FAT1: variants seen among roughly 807,000 people sequenced by gnomAD.
FAT1 encodes the protein FAT atypical cadherin 1.
Under a neutral mutation model 329.8 loss-of-function variants are expected in FAT1, and 171 were observed. The observed-to-expected ratio is 0.52, with a 90% CI of 0.46 to 0.59. FAT1 has a LOEUF of 0.59. FAT1 is among the 20% of genes least tolerant of loss of function. The pLI is 0.00. For synonymous variants in FAT1, 2,233 were observed against 2,228.6 expected (o/e 1.00, Z -0.06); for missense variants, 5,672 against 5,774.4 (o/e 0.98, Z 0.57).
chr4:186,633,139 A>C (rs1740666996), intron 7 of FAT1, among the ~76,000 whole-genome samples: 1 of 152,224 alleles, frequency 6.6e-6, no homozygotes, highest in Non-Finnish European at 1.5e-5. Flanking sequence ...GTAATAAGAA[A>C]GAACAGAATT....
intron 13 of FAT1, among the ~76,000 whole-genome samples, 167 bp downstream of exon 13, chr4:186,612,938 TATTC>T (rs1047207491): frequency 6.6e-6 from 1 of 152,212 alleles, no homozygotes; most frequent in Non-Finnish European, 1.5e-5. Flanking sequence ...GAACTTTAAA[TATTC>T]ATTAAAAATT....
chr4:186,617,646 T>C (rs902358287), intron 10 of FAT1, 62 bp downstream of exon 10: 6 of 1,364,640 alleles, frequency 4.4e-6, no homozygotes, highest in African/African-American at 2.9e-5. Flanking sequence ...ACAGATCTTA[T>C]ACTTTATGCT....
chr4:186,623,621 G>A (rs1487129436), intron 9 of FAT1, among the ~76,000 whole-genome samples: 1 of 152,204 alleles, frequency 6.6e-6, no homozygotes, highest in Non-Finnish European at 1.5e-5. Context: ...CTGCTGTGGA[G>A]GAGGCTGGTG....
rs999111483 is a variant in FAT1 at position 186,618,513 on chromosome 4, A to C, written c.8073T>G (p.Val2691=). The C allele has an allele frequency of 6.2e-7, 1 of 1,613,932 alleles. No homozygotes were observed. Among genetic ancestry groups the C allele is most frequent in the African/African-American group, 1.3e-5 (1 of 74,936 alleles). The stretch of plus-strand genomic sequence containing the variant: ...GCTGCATTTCCGGTGGAAGGATTTT[A>C]ACATAGACAAGAACAACAGATTCTT... ...PSKESVVLVY[V]KILPPEMQLP... The change falls in exon 10 of 27, where the codon GTT becomes GTG. Residue 2691 remains valine (V), a synonymous_variant. Transcript: ENST00000441802.
chr4:186,588,348 T>C lies in FAT1; in HGVS notation c.*244A>G. 1 of 495,118 alleles carries C rather than the reference T, an allele frequency of 2.0e-6. No homozygotes were observed. 30.7% of individuals were successfully genotyped at this position (495,118 alleles called of 1,614,324 possible). A position where few individuals can be genotyped will look rare whatever the true frequency, so the allele number is the denominator to read the frequency against. On this transcript the variant is annotated 3_prime_UTR_variant, in exon 27 of 27. Transcript: ENST00000441802. Reference sequence around the variant, plus strand: ...ACAGGACTGATTTTTCGTTTGATTATTTTAACACAGACAGATGTAAATCCC... The same window carrying C: ...ACAGGACTGATTTTTCGTTTGATTACTTTAACACAGACAGATGTAAATCCC...
intron 2 of FAT1, among the ~76,000 whole-genome samples, chr4:186,669,171 C>G (rs369356685): frequency 3.3e-5 from 5 of 152,300 alleles, no homozygotes; most frequent in African/African-American, 1.2e-4. Flanking sequence ...TTTCTGAAAG[C>G]AAACACAGCA....
In FAT1 at chr4:186,635,237, C is replaced by T. The variant is rs540765773; in HGVS notation, c.4183+788G>A. On this transcript the variant is annotated intron_variant, in intron 6 of 26. Transcript: ENST00000441802. ...GAAGGGGAAAAATGGACATAAAGTC[C>T]CCCCCAGAGAGATGAATCGCAACAG... Among the ~76,000 whole-genome samples the T allele has an allele frequency of 9.8e-4, 149 of 152,076 alleles. 1 individual carries two copies. Among genetic ancestry groups the T allele is most frequent in the Non-Finnish European group, 1.6e-3 (109 of 68,010 alleles).
chr4:186,723,400 G>A (rs991794930), intron 1 of FAT1, among the ~76,000 whole-genome samples: 1 of 152,222 alleles, frequency 6.6e-6, no homozygotes, highest in African/African-American at 2.4e-5. Flanking sequence ...GTGTCAGAAA[G>A]GATCGGACCC....
At chr4:186,674,585 T>C (rs1293771271) in intron 2 of FAT1, among the ~76,000 whole-genome samples, 1 of 152,126 alleles carries the variant, frequency 6.6e-6, no homozygotes, top group Non-Finnish European at 1.5e-5. Flanking sequence ...ACTTAAGTTA[T>C]AACAACTAAA....
chr4:186,671,360 C>T (rs942626836), intron 2 of FAT1, among the ~76,000 whole-genome samples: 9 of 151,986 alleles, frequency 5.9e-5, no homozygotes, highest in African/African-American at 1.9e-4. Flanking sequence ...AGCTGTAAAA[C>T]GAGTTTAATA....
intron 17 of FAT1, among the ~76,000 whole-genome samples, chr4:186,605,393 C>G (rs1363328053): frequency 1.0e-5 from 1 of 99,092 alleles, no homozygotes; most frequent in Non-Finnish European, 1.9e-5. Context: ...AGAGTGGAGA[C>G]AGTGAAATGG....
Position 186,617,869 on chromosome 4 carries a change from A to G in FAT1, c.8717T>C (p.Val2906Ala). 1 of 1,614,024 alleles carries G rather than the reference A, an allele frequency of 6.2e-7. No homozygotes were observed. Among genetic ancestry groups the G allele is most frequent in the Non-Finnish European group, 8.5e-7 (1 of 1,179,898 alleles). The change falls in exon 10 of 27, where the codon GTT becomes GCT. Residue 2906 changes from valine to alanine, a missense_variant. Val to Ala is a moderately conservative substitution (Grantham distance 64, BLOSUM62 0). Coordinates refer to ENST00000441802, the MANE Select transcript of FAT1 (RefSeq NM_005245.4). ...ACTATCGTTGACATCGGTGACGGTA[A>G]CATCCACAATGGCTGTGGAGGATAG... Reference protein sequence around the residue: ...IQLSSTAIVDVTVTDVNDSPP... With the variant: ...IQLSSTAIVDATVTDVNDSPP...
intron 26 of FAT1, among the ~76,000 whole-genome samples, chr4:186,593,302 T>C (rs1439913809): frequency 6.6e-6 from 1 of 152,244 alleles, no homozygotes; most frequent in Non-Finnish European, 1.5e-5. Flanking sequence ...TGTACGAGTA[T>C]AGGAGGAGAC....
At chr4:186,607,539 A>C (rs899726880) in intron 16 of FAT1, among the ~76,000 whole-genome samples, 4 of 151,762 alleles carry the variant, frequency 2.6e-5, no homozygotes, top group African/African-American at 9.7e-5. Flanking sequence ...GGGTAGGTGG[A>C]TGGATGGATA....
chr4:186,605,724 A>G (rs1209842558), intron 17 of FAT1, among the ~76,000 whole-genome samples: 6 of 146,688 alleles, frequency 4.1e-5, no homozygotes, highest in African/African-American at 1.3e-4. Context: ...TGGAGCGAGA[A>G]GGAAGGATTG....
rs535305016 is a variant in FAT1 at position 186,707,462 on chromosome 4, G to A, written c.2366C>T (p.Thr789Ile). Residue 789 changes from threonine (T) to isoleucine (I), a missense_variant, in exon 2 of 27, where the codon ACC (threonine) becomes ATC (isoleucine). Physicochemically the swap from Thr to Ile is moderately conservative, Grantham distance 89 (BLOSUM62 -1). Transcript: ENST00000441802. ...PLDRETTDKY[T>I]LNITVYDLGI... ...AAGGTCATAGACGGTAATATTCAGG[G>A]TGTATTTGTCTGTTGTTTCACGGTC... 8 of 1,614,004 alleles carry A rather than the reference G, an allele frequency of 5.0e-6. No homozygotes were observed. The highest frequency in any genetic ancestry group is 2.2e-5 in the South Asian group (2 of 91,078).
At chr4:186,642,015 AAAC>A (rs1382005143) in intron 3 of FAT1, among the ~76,000 whole-genome samples, 31 of 151,878 alleles carry the variant, frequency 2.0e-4, no homozygotes, top group African/African-American at 7.5e-4. Context: ...AAAAAAAAAA[AAAC>A]AAAATCCACA....
At chr4:186,605,952 A>G (rs1739113168) in intron 17 of FAT1, 118 bp downstream of exon 17, 3 of 943,726 alleles carry the variant, frequency 3.2e-6, no homozygotes, top group Middle Eastern at 3.5e-4. Flanking sequence ...GACTTCTTGA[A>G]TTCTACGTTT....
Position 186,618,307 on chromosome 4 carries a change from A to T in FAT1, c.8279T>A (p.Leu2760Gln), listed in dbSNP as rs2126493547. 1 of 1,614,010 alleles carries T rather than the reference A, an allele frequency of 6.2e-7. No homozygotes were observed. The highest frequency in any genetic ancestry group is 8.5e-7 in the Non-Finnish European group (1 of 1,179,892). The change falls in exon 10 of 27, where the codon CTG becomes CAG. Residue 2760 changes from leucine to glutamine, a missense_variant. Transcript: ENST00000441802. The part of the protein sequence containing the change: ...SFVIDRQSGR[L>Q]KLEKSLDHET... ...ATGATCAAGACTCTTCTCCAACTTC[A>T]GTCTCCCGCTCTGTCTGTCAATCAC...
Sources: allele counts gnomAD v4.1 joint callset (sites outside exome capture counted in the v4.1 genomes callset), GRCh38; gene constraint gnomAD v4.1.1; transcripts MANE v1.5; gene names NCBI Gene and HGNC (gene_info 2026-07-23, HGNC 2026-07-21).